CCDC141: variants seen among roughly 807,000 people sequenced by gnomAD.
CCDC141 encodes coiled-coil domain containing 141.
In CCDC141, 168 loss-of-function variants were observed where a neutral mutation model predicts 181.0. That is an observed-to-expected ratio of 0.93 (90% CI 0.82 to 1.05). The LOEUF is 1.05. Among genes scored for constraint, CCDC141 ranks in the 50% least tolerant of loss-of-function variants. The pLI, the probability that CCDC141 is intolerant of heterozygous loss-of-function variation, is 0.00. For synonymous variants in CCDC141, 666 were observed against 642.3 expected (o/e 1.04, Z -0.56); for missense variants, 1,902 against 1,788.5 (o/e 1.06, Z -1.14).
intron 6 of CCDC141, among the ~76,000 whole-genome samples, chr2:178,931,608 T>C (rs1364310866): frequency 2.0e-5 from 3 of 151,986 alleles, no homozygotes; most frequent in African/African-American, 7.3e-5. Context: ...ATTTCCAGAA[T>C]AGGTAAATAC....
intron 2 of CCDC141, among the ~76,000 whole-genome samples, chr2:179,005,423 T>G (rs1177631092): frequency 6.6e-6 from 1 of 152,150 alleles, no homozygotes; most frequent in African/African-American, 2.4e-5. Context: ...GACAGCAAAT[T>G]AATTCAAAGA....
chr2:178,853,015 G>C (rs1408960417), intron 20 of CCDC141, among the ~76,000 whole-genome samples: 1 of 151,974 alleles, frequency 6.6e-6, no homozygotes, highest in Non-Finnish European at 1.5e-5. Context: ...ATAGAAAGGA[G>C]AGGACTGGAG....
chr2:178,916,685 T>C (rs1688462918), intron 7 of CCDC141, among the ~76,000 whole-genome samples: 1 of 152,148 alleles, frequency 6.6e-6, no homozygotes, highest in Admixed American at 6.5e-5. Context: ...ATTATTTCCT[T>C]GATGCTTTGA....
chr2:178,871,346 T>TA (rs1204639296), intron 14 of CCDC141, 81 bp downstream of exon 14: 9 of 1,451,240 alleles, frequency 6.2e-6, no homozygotes, highest in African/African-American at 1.4e-5. Context: ...ACCAGCCTGT[T>TA]ACAATTAATC....
chr2:178,874,837 A>C (rs1218716196), intron 12 of CCDC141: 1 of 152,256 alleles, frequency 6.6e-6, no homozygotes. Flanking sequence ...GGCTTCAAGC[A>C]CAATGATCTT....
chr2:178,828,299 G>A (rs773805788), downstream of CCDC141, among the ~76,000 whole-genome samples: 7 of 152,084 alleles, frequency 4.6e-5, no homozygotes, highest in South Asian at 2.1e-4. Context: ...CGTCCTCACC[G>A]TGTTGCGTAG....
intron 2 of CCDC141, among the ~76,000 whole-genome samples, chr2:179,018,186 C>A (rs1335736378): frequency 2.0e-5 from 3 of 152,002 alleles, no homozygotes; most frequent in African/African-American, 7.2e-5. Context: ...AACTGCTATG[C>A]GGACCACAAA....
chr2:178,977,096 A>G (rs924799), intron 3 of CCDC141, among the ~76,000 whole-genome samples: 5,410 of 152,266 alleles, frequency 0.036, 196 homozygotes, highest in East Asian at 0.13. Flanking sequence ...GAAGTGATCC[A>G]CAAAATTGGA....
At chr2:178,916,958 A>T (rs78953443) in intron 7 of CCDC141, among the ~76,000 whole-genome samples, 1 of 152,036 alleles carries the variant, frequency 6.6e-6, no homozygotes, top group Non-Finnish European at 1.5e-5. Flanking sequence ...TTTAAAAAAA[A>T]GGCTTTTGCA....
chr2:178,969,144 C>T (rs1482827168), intron 4 of CCDC141, among the ~76,000 whole-genome samples: 13 of 139,412 alleles, frequency 9.3e-5, no homozygotes, highest in South Asian at 4.5e-4. Context: ...CAGGACCAGA[C>T]GGATTCACAG....
At chr2:178,985,646 T>C (rs888302225) in intron 2 of CCDC141, among the ~76,000 whole-genome samples, 1 of 151,794 alleles carries the variant, frequency 6.6e-6, no homozygotes, top group Non-Finnish European at 1.5e-5. Context: ...TCACCACCGA[T>C]CCCACAGAAA....
At chr2:178,987,787 T>C (rs13012927) in intron 2 of CCDC141, among the ~76,000 whole-genome samples, 135,442 of 140,126 alleles carry the variant, frequency 0.97, 65,517 homozygotes, top group Non-Finnish European at 1. Context: ...TCACACCAGT[T>C]AGAATGGCAA....
At chr2:179,049,735 CTT>C (rs1363894772) in intron 1 of CCDC141, 103 bp downstream of exon 1, 13 of 1,253,290 alleles carry the variant, frequency 1.0e-5, no homozygotes, top group Non-Finnish European at 1.1e-5. Context: ...GCTGCGTTGT[CTT>C]CTCTATGCTG....
intron 2 of CCDC141, among the ~76,000 whole-genome samples, chr2:178,980,487 A>G (rs1691327528): frequency 6.6e-6 from 1 of 152,186 alleles, no homozygotes; most frequent in Non-Finnish European, 1.5e-5. Context: ...AACTGTCCTA[A>G]TTTTGTTAGA....
rs111874527 is a variant in CCDC141, at chr2:179,024,074, A to T, written c.225+23210T>A. ...CAGGAGGCCATAATGGCATTCCAAA[A>T]TGAGGACATCTATAATTTACAGGGA... On this transcript the variant is annotated intron_variant, in intron 2 of 23. Transcript: ENST00000443758. 8.1e-3 allele frequency among the ~76,000 whole-genome samples: 1,227 copies of T among 152,364 alleles called. 18 individuals carry two copies. The highest frequency in any genetic ancestry group is 0.027 in the African/African-American group (1,129 of 41,586).
At chr2:178,994,339 T>TTG (rs1395460174) in intron 2 of CCDC141, among the ~76,000 whole-genome samples, 1 of 152,230 alleles carries the variant, frequency 6.6e-6, no homozygotes, top group Non-Finnish European at 1.5e-5. Context: ...ACCCACAGGC[T>TTG]TGACACCATG....
At chr2:178,966,556 A>T (rs923370808) in intron 4 of CCDC141, among the ~76,000 whole-genome samples, 4 of 152,230 alleles carry the variant, frequency 2.6e-5, no homozygotes, top group South Asian at 2.1e-4. Context: ...ACTAACAAAC[A>T]GAAAGGAACA....
intron 4 of CCDC141, among the ~76,000 whole-genome samples, chr2:178,964,201 G>A (rs1366370050): frequency 1.3e-5 from 2 of 152,032 alleles, no homozygotes; most frequent in African/African-American, 4.8e-5. Flanking sequence ...ATATATAGAG[G>A]GAAATAGTAT....
intron 8 of CCDC141, among the ~76,000 whole-genome samples, chr2:178,890,066 G>A (rs1436503190): frequency 6.6e-6 from 1 of 152,048 alleles, no homozygotes; most frequent in Non-Finnish European, 1.5e-5. Context: ...CAAGTTTTCT[G>A]CAGAATATGG....
Sources: gnomAD v4.1 joint callset for allele counts (sites outside exome capture counted in the v4.1 genomes callset) on GRCh38, gnomAD v4.1.1 for gene constraint, MANE v1.5 for transcripts, NCBI Gene and HGNC (gene_info 2026-07-23, HGNC 2026-07-21) for gene names.